GNB1: variants seen among roughly 807,000 people sequenced by gnomAD.
GNB1 encodes guanine nucleotide-binding protein G(I)/G(S)/G(T) subunit beta-1.
GNB1 carries 2 observed loss-of-function variants against 42.9 expected under a neutral mutation model. That is an observed-to-expected ratio of 0.05 (90% confidence interval 0.02 to 0.15). The LOEUF (loss-of-function observed/expected upper bound fraction) is 0.15, where lower values mean the gene tolerates loss of function less well. GNB1 is among the 10% of genes least tolerant of loss of function. The pLI is 1.00. For synonymous variants in GNB1, 183 were observed against 174.7 expected (o/e 1.05, Z -0.38); for missense variants, 193 against 462.2 (o/e 0.42, Z 5.34).
intron 2 of GNB1, among the ~76,000 whole-genome samples, chr1:1,825,743 T>C (rs1361749931): frequency 6.6e-6 from 1 of 151,954 alleles, no homozygotes. Context: ...CAGGCGCCTG[T>C]AGTCCCAGCT....
intron 2 of GNB1, among the ~76,000 whole-genome samples, chr1:1,835,380 C>T (rs531297536): frequency 5.6e-4 from 85 of 152,308 alleles, no homozygotes; most frequent in African/African-American, 1.9e-3. Context: ...CAGTAATAGT[C>T]CCCACAGCTC....
chr1:1,855,512 T>A (rs1248837599), intron 1 of GNB1, among the ~76,000 whole-genome samples: 2 of 151,606 alleles, frequency 1.3e-5, no homozygotes, highest in African/African-American at 4.8e-5. Flanking sequence ...CCATCCTGGC[T>A]AACACAGTGA....
chr1:1,820,619 T>C (rs1646919329), intron 3 of GNB1, among the ~76,000 whole-genome samples: 1 of 152,204 alleles, frequency 6.6e-6, no homozygotes, highest in Non-Finnish European at 1.5e-5. Context: ...TTTGAAATAC[T>C]ATTCTTGTTG....
intron 5 of GNB1, among the ~76,000 whole-genome samples, chr1:1,814,794 T>A (rs1646827771): frequency 1.2e-5 from 1 of 82,124 alleles, no homozygotes; most frequent in Non-Finnish European, 2.4e-5. Context: ...TGAGACCCTG[T>A]CTCAAAAAAA....
At chr1:1,847,902 C>T (rs1443348031) in intron 1 of GNB1, among the ~76,000 whole-genome samples, 4 of 152,272 alleles carry the variant, frequency 2.6e-5, no homozygotes, top group Admixed American at 1.3e-4. Flanking sequence ...GTACTTCCAA[C>T]GTGGTGCCAA....
intron 4 of GNB1, among the ~76,000 whole-genome samples, chr1:1,816,066 G>A (rs747681906): frequency 3.9e-5 from 6 of 152,154 alleles, no homozygotes; most frequent in Non-Finnish European, 8.8e-5. Context: ...CTGGTCATCA[G>A]GAACCTGTGT....
At chr1:1,842,335 CAGG>C (rs1647276113) in intron 1 of GNB1, among the ~76,000 whole-genome samples, 1 of 151,670 alleles carries the variant, frequency 6.6e-6, no homozygotes, top group African/African-American at 2.4e-5. Flanking sequence ...GAGGCTGAGG[CAGG>C]AGAATGCCAT....
intron 2 of GNB1, among the ~76,000 whole-genome samples, 156 bp downstream of exon 2, chr1:1,839,034 C>A (rs1647188112): frequency 6.6e-6 from 1 of 152,238 alleles, no homozygotes; most frequent in East Asian, 1.9e-4. Flanking sequence ...GGTGAGAGAA[C>A]CCCTTGACCC....
Position 1,884,775 on chromosome 1 carries a change from C to T in GNB1, c.-96+6045G>A, listed in dbSNP as rs1342802603. Among the ~76,000 whole-genome samples the T allele has an allele frequency of 3.3e-5, 5 of 151,886 alleles. 1 individual carries two copies. The highest frequency in any genetic ancestry group is 1.3e-4 in the Admixed American group (2 of 15,234). ...TCCACTCACTGCGAGGTCTGCCTCCCGGGTTCACACCATTCTCCTGCCTCA... is the reference window on the plus strand; with the variant it reads ...TCCACTCACTGCGAGGTCTGCCTCCTGGGTTCACACCATTCTCCTGCCTCA... On this transcript the variant is annotated intron_variant, in intron 1 of 11. Transcript: ENST00000378609.
intron 1 of GNB1, among the ~76,000 whole-genome samples, chr1:1,884,468 T>A (rs947759026): frequency 6.6e-6 from 1 of 152,142 alleles, no homozygotes; most frequent in Non-Finnish European, 1.5e-5. Flanking sequence ...CACCTTGGCC[T>A]CCCAAAGTGT....
At chr1:1,864,267 G>A (rs1418440988) in intron 1 of GNB1, among the ~76,000 whole-genome samples, 3 of 133,244 alleles carry the variant, frequency 2.3e-5, no homozygotes, top group Non-Finnish European at 3.1e-5. Context: ...AGTGTGCCAA[G>A]ATCGTGCCAC....
At chr1:1,840,804 AAG>A (rs1412985970) in intron 1 of GNB1, among the ~76,000 whole-genome samples, 2 of 152,262 alleles carry the variant, frequency 1.3e-5, no homozygotes, top group Non-Finnish European at 2.9e-5. Flanking sequence ...CAGAGATCAC[AAG>A]AGAGGTTTCT....
At chr1:1,797,153 C>A (rs899040077) in intron 7 of GNB1, among the ~76,000 whole-genome samples, 1 of 152,124 alleles carries the variant, frequency 6.6e-6, no homozygotes, top group African/African-American at 2.4e-5. Context: ...AAGAACGGGA[C>A]GATGGGCTTG....
chr1:1,824,254 C>T (rs1308479504), intron 3 of GNB1, among the ~76,000 whole-genome samples: 1 of 152,146 alleles, frequency 6.6e-6, no homozygotes, highest in Non-Finnish European at 1.5e-5. Context: ...TTAAATGTTT[C>T]TCTATAAAAT....
intron 1 of GNB1, among the ~76,000 whole-genome samples, chr1:1,857,015 G>A (rs747183503): frequency 6.6e-6 from 1 of 152,192 alleles, no homozygotes; most frequent in Non-Finnish European, 1.5e-5. Context: ...TTTTCACCAG[G>A]TAATTAAATT....
In GNB1 at chr1:1,884,894, AGGTT is replaced by A. The variant is rs1205275162; in HGVS notation, c.-96+5922_-96+5925del. On this transcript the variant is annotated intron_variant, in intron 1 of 11. Transcript: ENST00000378609. ...GAGACAGGGTTTCACTGTGTTAGCC[AGGTT>A]GGTCTCGATCTCCTGACATCGTGAT... 5.3e-5 allele frequency among the ~76,000 whole-genome samples: 8 copies of A among 151,154 alleles called. No individual in the cohort carries two copies. In the East Asian group the frequency reaches 1.6e-3, roughly 31 times the overall value.
intron 1 of GNB1, among the ~76,000 whole-genome samples, chr1:1,854,078 C>A (rs569901077): frequency 1.3e-5 from 2 of 152,220 alleles, no homozygotes; most frequent in Non-Finnish European, 2.9e-5. Flanking sequence ...ACAGCACTTG[C>A]TGTTCTAGAA....
chr1:1,842,563 C>A (rs750161830), intron 1 of GNB1, among the ~76,000 whole-genome samples: 1 of 152,108 alleles, frequency 6.6e-6, no homozygotes, highest in South Asian at 2.1e-4. Flanking sequence ...ATGAAATATC[C>A]GGAACACACA....
rs1014025825 is a variant in GNB1 at position 1,787,727 on chromosome 1, A to G, written c.917-290T>C. On this transcript the variant is annotated intron_variant, in intron 10 of 11. Coordinates refer to ENST00000378609, the MANE Select transcript of GNB1 (RefSeq NM_002074.5). The surrounding 1 kb of genome is among the most constrained non-coding windows in gnomAD (Gnocchi z 4.4). ...AAACTTAAAAAAAGAAGCAAAGGCCACTATCAAAAAAATCAAAACTATCAT... is the reference window on the plus strand; with the variant it reads ...AAACTTAAAAAAAGAAGCAAAGGCCGCTATCAAAAAAATCAAAACTATCAT... 2.6e-5 allele frequency among the ~76,000 whole-genome samples: 4 copies of G among 152,220 alleles called. No homozygotes were observed. The highest frequency in any genetic ancestry group is 9.6e-5 in the African/African-American group (4 of 41,456).
Sources: gnomAD v4.1 joint callset for allele counts (sites outside exome capture counted in the v4.1 genomes callset) on GRCh38, gnomAD v4.1.1 for gene constraint, Gnocchi (gnomAD v3.1) non-coding constraint, MANE v1.5 for transcripts, NCBI Gene and HGNC (gene_info 2026-07-23, HGNC 2026-07-21) for gene names.